NLGN1: variants seen among roughly 807,000 people sequenced by gnomAD.
The protein encoded by NLGN1 is neuroligin 1.
Under a neutral mutation model 65.5 loss-of-function variants are expected in NLGN1, and 12 were observed. The ratio of observed to expected loss-of-function variants is 0.18; its 90% CI spans 0.12 to 0.30. The LOEUF (loss-of-function observed/expected upper bound fraction) is 0.30. NLGN1 is among the 10% of genes least tolerant of loss of function. The pLI is 1.00. For missense variants in NLGN1, 750 were observed against 1,007.1 expected, an observed-to-expected ratio of 0.74 and a Z score of 3.46; for synonymous variants, 350 against 359.5, an observed-to-expected ratio of 0.97 and a Z score of 0.30.
intron 4 of NLGN1, among the ~76,000 whole-genome samples, chr3:173,888,909 C>A (rs964112425): frequency 6.6e-6 from 1 of 152,062 alleles, no homozygotes; most frequent in Admixed American, 6.6e-5. Flanking sequence ...ACAAGACATG[C>A]ACAAAGACAG....
At chr3:174,101,839 G>A (rs1712575332) in intron 4 of NLGN1, among the ~76,000 whole-genome samples, 1 of 152,114 alleles carries the variant, frequency 6.6e-6, no homozygotes, top group African/African-American at 2.4e-5. Flanking sequence ...TTTAATGTAA[G>A]CCACTCTCTG....
intron 4 of NLGN1, among the ~76,000 whole-genome samples, chr3:173,820,387 G>T (rs1272142624): frequency 1.3e-5 from 2 of 152,094 alleles, no homozygotes; most frequent in Admixed American, 6.5e-5. Context: ...TCAGCATGAG[G>T]TAAGTGAAAG....
chr3:174,045,647 A>G (rs1221149493), intron 4 of NLGN1, among the ~76,000 whole-genome samples: 5 of 152,228 alleles, frequency 3.3e-5, no homozygotes, highest in African/African-American at 1.2e-4. Context: ...TACTACATAG[A>G]AAATAAGCAT....
chr3:173,921,412 A>G (rs1742004926), intron 4 of NLGN1, among the ~76,000 whole-genome samples: 1 of 151,090 alleles, frequency 6.6e-6, no homozygotes, highest in Admixed American at 6.6e-5. Context: ...CATACAAGGA[A>G]TGCATTTACA....
intron 2 of NLGN1, among the ~76,000 whole-genome samples, chr3:173,510,681 T>G (rs1385523599): frequency 6.6e-6 from 1 of 152,186 alleles, no homozygotes; most frequent in Non-Finnish European, 1.5e-5. Flanking sequence ...GTTTGTGCTC[T>G]CCAGTTGATA....
At chr3:173,840,163 C>T (rs1027071908) in intron 4 of NLGN1, among the ~76,000 whole-genome samples, 1 of 152,114 alleles carries the variant, frequency 6.6e-6, no homozygotes, top group African/African-American at 2.4e-5. Context: ...AAATTCAAGA[C>T]TCCAGAGTTG....
At chr3:173,927,136 T>C (rs551155037) in intron 4 of NLGN1, among the ~76,000 whole-genome samples, 29 of 152,220 alleles carry the variant, frequency 1.9e-4, no homozygotes, top group Non-Finnish European at 3.7e-4. Context: ...TGATCTCGGC[T>C]CACTGCAACC....
At chr3:174,122,614 C>A (rs921796063) in intron 4 of NLGN1, among the ~76,000 whole-genome samples, 1 of 152,092 alleles carries the variant, frequency 6.6e-6, no homozygotes, top group Non-Finnish European at 1.5e-5. Flanking sequence ...GTTGACGCAG[C>A]CTCATGATCA....
intron 4 of NLGN1, among the ~76,000 whole-genome samples, chr3:174,263,144 A>T (rs1216294984): frequency 2.0e-5 from 3 of 150,390 alleles, no homozygotes; most frequent in African/African-American, 7.4e-5. Context: ...TGTGGTGCTG[A>T]AAAAAATGTA....
chr3:173,904,586 G>A (rs774055901), intron 4 of NLGN1, among the ~76,000 whole-genome samples: 1 of 150,974 alleles, frequency 6.6e-6, no homozygotes, highest in Non-Finnish European at 1.5e-5. Context: ...TTCCCATTTC[G>A]GTATGGCAGC....
At chr3:174,119,490 T>C (rs553696018) in intron 4 of NLGN1, among the ~76,000 whole-genome samples, 14 of 152,306 alleles carry the variant, frequency 9.2e-5, no homozygotes, top group African/African-American at 3.4e-4. Context: ...TTAGACTGGC[T>C]AAATAGTTTC....
chr3:174,242,433 A>G (rs2152832499), intron 4 of NLGN1, among the ~76,000 whole-genome samples: 1 of 152,274 alleles, frequency 6.6e-6, no homozygotes, highest in South Asian at 2.1e-4. Context: ...GCAAGAAGTT[A>G]GCTGCAGGCA....
intron 2 of NLGN1, among the ~76,000 whole-genome samples, chr3:173,521,911 A>G (rs1577085147): frequency 6.6e-6 from 1 of 152,180 alleles, no homozygotes; most frequent in Admixed American, 6.5e-5. Context: ...TTGTTTTTCA[A>G]TACATTCTAT....
At chr3:174,002,199 C>T (rs1723437707) in intron 4 of NLGN1, among the ~76,000 whole-genome samples, 1 of 152,094 alleles carries the variant, frequency 6.6e-6, no homozygotes, top group African/African-American at 2.4e-5. Flanking sequence ...ACGATCTCAG[C>T]TCAGTGCAGC....
intron 4 of NLGN1, among the ~76,000 whole-genome samples, chr3:173,990,800 A>G (rs1385494077): frequency 6.6e-6 from 1 of 152,204 alleles, no homozygotes; most frequent in East Asian, 1.9e-4. Flanking sequence ...TATTAATTCT[A>G]TATTTTAAAA....
chr3:173,882,242 G>A (rs895972919), intron 4 of NLGN1, among the ~76,000 whole-genome samples: 2 of 152,096 alleles, frequency 1.3e-5, no homozygotes, highest in Admixed American at 1.3e-4. Flanking sequence ...TTGAGCACAG[G>A]CAGAGTAGAT....
chr3:174,076,704 AGAGAGAGAGAGAGAGAGAGAGT>A lies in NLGN1; in HGVS notation c.647-198609_647-198588del, dbSNP rs1299122034. Reference sequence around the variant, plus strand: ...TAGAGAGAGAGAGAGAGAGAGAGAGAGAGAGAGAGAGAGAGAGAGAGTGTGTGTGTGTGTGTGTGTGTGTGTG... The same window carrying A: ...TAGAGAGAGAGAGAGAGAGAGAGAGAGTGTGTGTGTGTGTGTGTGTGTGTG... On this transcript the variant is annotated intron_variant, in intron 4 of 6. Coordinates refer to ENST00000457714, the Ensembl canonical transcript of NLGN1. Among the ~76,000 whole-genome samples the A allele has an allele frequency of 1.2e-3, 182 of 145,692 alleles. 1 individual carries two copies. The highest frequency in any genetic ancestry group is 4.6e-3 in the African/African-American group (176 of 37,880).
intron 3 of NLGN1, among the ~76,000 whole-genome samples, chr3:173,758,765 C>CAGTTACTAT (rs1283763808): frequency 6.6e-6 from 1 of 151,908 alleles, no homozygotes; most frequent in Admixed American, 6.6e-5. Flanking sequence ...AATAGCTAAG[C>CAGTTACTAT]AGTTACTATA....
chr3:173,764,811 T>C (rs1226577298), intron 3 of NLGN1, among the ~76,000 whole-genome samples: 1 of 152,128 alleles, frequency 6.6e-6, no homozygotes, highest in Non-Finnish European at 1.5e-5. Context: ...AAAATATATT[T>C]ATAAAAAATC....
Sources: gnomAD v4.1 joint callset for allele counts (sites outside exome capture counted in the v4.1 genomes callset) on GRCh38, gnomAD v4.1.1 for gene constraint, MANE v1.5 for transcripts, NCBI Gene and HGNC (gene_info 2026-07-23, HGNC 2026-07-21) for gene names.